The following RFX3 variants were observed in gnomAD, a reference collection of about 807,000 sequenced individuals.
RFX3 encodes the protein regulatory factor X3, also known as transcription factor RFX3.
In RFX3, 14 loss-of-function variants were observed where a neutral mutation model predicts 98.6. That is an observed-to-expected ratio of 0.14 (90% CI 0.09 to 0.22). The LOEUF is 0.22. RFX3 is among the 10% of genes least tolerant of loss of function. RFX3 has a pLI of 1.00. For missense variants in RFX3, 639 were observed against 926.9 expected (o/e 0.69, Z 4.03); for synonymous variants, 383 against 328.4 (o/e 1.17, Z -1.80).
intron 2 of RFX3, among the ~76,000 whole-genome samples, chr9:3,368,783 G>T (rs1367660814): frequency 6.6e-6 from 1 of 151,740 alleles, no homozygotes; most frequent in Non-Finnish European, 1.5e-5. Context: ...AAGTACTGTA[G>T]TTTATAATGT....
At chr9:3,303,220 G>C (rs1586951360) in intron 4 of RFX3, among the ~76,000 whole-genome samples, 3 of 151,844 alleles carry the variant, frequency 2.0e-5, no homozygotes, top group African/African-American at 4.8e-5. Flanking sequence ...ATTACAGAAA[G>C]AGTAATGTAA....
chr9:3,227,436 C>T lies in RFX3; in HGVS notation c.2011+1411G>A, dbSNP rs909901443. On this transcript the variant is annotated intron_variant, in intron 16 of 16. Transcript: ENST00000617270. ...GGACAAAGGAATGTAATTCTGTAGA[C>T]ATTTTATGCTTCTATAAAAACTCGA... Among the ~76,000 whole-genome samples, 5 of 152,208 alleles carry T rather than the reference C, an allele frequency of 3.3e-5. No homozygotes were observed. The South Asian group carries it at 6.2e-4, about 19-fold the overall frequency.
intron 9 of RFX3, among the ~76,000 whole-genome samples, chr9:3,271,863 G>A (rs1283233575): frequency 6.6e-6 from 1 of 152,094 alleles, no homozygotes; most frequent in Non-Finnish European, 1.5e-5. Context: ...GCCTTCAGTG[G>A]ATACTGCCTC....
intron 1 of RFX3, among the ~76,000 whole-genome samples, chr9:3,520,377 T>C (rs1818586937): frequency 6.6e-6 from 1 of 152,190 alleles, no homozygotes; most frequent in Non-Finnish European, 1.5e-5. Context: ...GTTTATATGC[T>C]GTAACTGTAT....
chr9:3,349,958 A>G (rs902708170), intron 2 of RFX3, among the ~76,000 whole-genome samples: 3 of 152,130 alleles, frequency 2.0e-5, no homozygotes, highest in Non-Finnish European at 4.4e-5. Context: ...AAGGATAAAA[A>G]TATAATAAGC....
intron 1 of RFX3, among the ~76,000 whole-genome samples, chr9:3,436,460 A>T (rs1196602691): frequency 6.6e-6 from 1 of 152,102 alleles, no homozygotes; most frequent in East Asian, 1.9e-4. Context: ...TAAAAGCATT[A>T]TATTTTTAGT....
chr9:3,504,266 C>T (rs1470618433), intron 1 of RFX3, among the ~76,000 whole-genome samples: 1 of 124,342 alleles, frequency 8.0e-6, no homozygotes, highest in African/African-American at 3.2e-5. Context: ...ATAATATATA[C>T]TATATTGTAT....
chr9:3,470,799 C>T (rs1451140520), intron 1 of RFX3, among the ~76,000 whole-genome samples: 1 of 152,136 alleles, frequency 6.6e-6, no homozygotes, highest in Non-Finnish European at 1.5e-5. Flanking sequence ...GTACAACTGA[C>T]AAAAGTATTA....
chr9:3,313,125 G>A (rs919899832), intron 4 of RFX3, among the ~76,000 whole-genome samples: 18 of 152,160 alleles, frequency 1.2e-4, no homozygotes, highest in Admixed American at 5.9e-4. Flanking sequence ...AGTAGGGGCC[G>A]ACTGACACCT....
intron 1 of RFX3, among the ~76,000 whole-genome samples, chr9:3,416,713 C>A (rs1362276798): frequency 6.6e-6 from 1 of 151,900 alleles, no homozygotes; most frequent in Non-Finnish European, 1.5e-5. Flanking sequence ...TTAGTAACCA[C>A]TGAAAGAGTA....
chr9:3,514,850 C>T (rs543640820), intron 1 of RFX3, among the ~76,000 whole-genome samples: 7 of 152,260 alleles, frequency 4.6e-5, no homozygotes, highest in African/African-American at 1.4e-4. Context: ...GTTGGGTTTT[C>T]ACCATGGCAC....
intron 2 of RFX3, among the ~76,000 whole-genome samples, chr9:3,376,918 G>C (rs1433774116): frequency 6.6e-6 from 1 of 152,168 alleles, no homozygotes; most frequent in Non-Finnish European, 1.5e-5. Flanking sequence ...CAGTTAGAAT[G>C]GCGATCATTA....
intron 1 of RFX3, among the ~76,000 whole-genome samples, chr9:3,415,799 C>A (rs1020879248): frequency 6.6e-6 from 1 of 152,116 alleles, no homozygotes; most frequent in Non-Finnish European, 1.5e-5. Context: ...CAATGAGACC[C>A]AAGATTATAT....
intron 4 of RFX3, among the ~76,000 whole-genome samples, chr9:3,320,759 G>C (rs1402732006): frequency 1.8e-5 from 2 of 109,562 alleles, no homozygotes; most frequent in Non-Finnish European, 3.6e-5. Context: ...TATAATGCAT[G>C]CTACATAGCA....
At chr9:3,333,151 G>C (rs148608881) in intron 3 of RFX3, among the ~76,000 whole-genome samples, 1 of 152,276 alleles carries the variant, frequency 6.6e-6, no homozygotes, top group East Asian at 1.9e-4. Context: ...AAGTATGGTA[G>C]ACGTAATAGC....
intron 12 of RFX3, among the ~76,000 whole-genome samples, chr9:3,265,978 C>T (rs922989893): frequency 2.7e-5 from 4 of 148,700 alleles, no homozygotes; most frequent in African/African-American, 5.2e-5. Flanking sequence ...ATAAATGCAC[C>T]ACACTTAAAA....
intron 1 of RFX3, among the ~76,000 whole-genome samples, chr9:3,435,592 A>G (rs752650500): frequency 1.3e-5 from 2 of 151,854 alleles, no homozygotes; most frequent in South Asian, 2.1e-4. Context: ...CATTTTATTT[A>G]TTTATACGGT....
chr9:3,339,870 G>T (rs7865021), intron 3 of RFX3, among the ~76,000 whole-genome samples: 1 of 151,846 alleles, frequency 6.6e-6, no homozygotes, highest in Non-Finnish European at 1.5e-5. Context: ...TCAAGCTACC[G>T]ATGACTTTCT....
intron 1 of RFX3, among the ~76,000 whole-genome samples, chr9:3,492,828 T>A (rs1411826581): frequency 6.6e-6 from 1 of 152,166 alleles, no homozygotes; most frequent in African/African-American, 2.4e-5. Context: ...CTGGTCAAGT[T>A]AGGAGGTCAG....
Sources: gnomAD v4.1 joint callset for allele counts (sites outside exome capture counted in the v4.1 genomes callset) on GRCh38, gnomAD v4.1.1 for gene constraint, MANE v1.5 for transcripts, NCBI Gene and HGNC (gene_info 2026-07-23, HGNC 2026-07-21) for gene names.